The following TMEM240 variants were observed in gnomAD, a reference collection of about 807,000 sequenced individuals.
The protein encoded by TMEM240 is transmembrane protein 240.
TMEM240 carries 3 observed loss-of-function variants against 19.5 expected under a neutral mutation model. That is an observed-to-expected ratio of 0.15 (90% CI 0.07 to 0.40). The LOEUF (loss-of-function observed/expected upper bound fraction) is 0.40, where lower values mean the gene tolerates loss of function less well. TMEM240 is among the 10% of genes least tolerant of loss of function. TMEM240 has a pLI of 1.00. For missense variants in TMEM240, 210 were observed against 253.5 expected (o/e 0.83, Z 1.17); for synonymous variants, 123 against 109.3 (o/e 1.13, Z -0.78).
intron 2 of TMEM240, chr1:1,539,147 C>A: frequency 6.2e-6 from 1 of 160,590 alleles, no homozygotes; most frequent in Non-Finnish European, 1.4e-5. Context: ...GGGGGTCACA[C>A]GGTGGGTGCG....
chr1:1,538,469 AGCCCACGTGC>A (rs1642255386), intron 2 of TMEM240, among the ~76,000 whole-genome samples: 1 of 152,238 alleles, frequency 6.6e-6, no homozygotes, highest in South Asian at 2.1e-4. Context: ...ACACGGCCCC[AGCCCACGTGC>A]GTGGAGGCCG....
chr1:1,536,083 C>T lies in TMEM240; in HGVS notation c.165-286G>A, dbSNP rs1343304735. Among the ~76,000 whole-genome samples the T allele has an allele frequency of 6.6e-6, 1 of 152,122 alleles. No individual in the cohort carries two copies. Among genetic ancestry groups the T allele is most frequent in the Non-Finnish European group, 1.5e-5 (1 of 67,982 alleles). Reference sequence around the variant, plus strand: ...GGCGAGGGTGTCGGCCCTCACTCAGCACCTCCTCCCTGAGGCCTGGAGCTC... The same window carrying T: ...GGCGAGGGTGTCGGCCCTCACTCAGTACCTCCTCCCTGAGGCCTGGAGCTC... On this transcript the variant is annotated intron_variant, in intron 2 of 3. Transcript: ENST00000378733. The surrounding 1 kb of genome is among the most constrained non-coding windows in gnomAD (Gnocchi z 5.4).
intron 2 of TMEM240, among the ~76,000 whole-genome samples, chr1:1,538,081 G>A (rs1642249458): frequency 6.6e-6 from 1 of 152,244 alleles, no homozygotes; most frequent in Non-Finnish European, 1.5e-5. Flanking sequence ...CAAGACTGCT[G>A]TCTGCACACA....
At chr1:1,538,138 A>T (rs1224977133) in intron 2 of TMEM240, among the ~76,000 whole-genome samples, 1 of 152,238 alleles carries the variant, frequency 6.6e-6, no homozygotes, top group Non-Finnish European at 1.5e-5. Context: ...CCCTGAGCAC[A>T]CGGCACTGTA....
chr1:1,539,729 G>C lies in TMEM240; in HGVS notation c.119C>G (p.Pro40Arg). Residue 40 changes from proline (P) to arginine (R), a missense_variant, in exon 2 of 4, where the codon CCG becomes CGG. This residue lies in a region of TMEM240 where 23 missense variants were observed against 57.7 expected (regional missense o/e 0.40). Coordinates refer to ENST00000378733, the MANE Select transcript of TMEM240 (RefSeq NM_001114748.2). ...LLDRFHNYIL[P>R]HLRGEDRVCH... ...GACGCGGTCCTCGCCCCGCAGGTGC[G>C]GGAGGATGTAGTTGTGGAATCGGTC... is the stretch of plus-strand genomic sequence containing the variant. The C allele has an allele frequency of 6.5e-7, 1 of 1,548,186 alleles. No individual in the cohort carries two copies. Among genetic ancestry groups the C allele is most frequent in the Non-Finnish European group, 8.7e-7 (1 of 1,146,558 alleles).
At position 1,534,841 on chromosome 1, in the gene TMEM240, C is replaced by T. The variant is rs949716684; in HGVS notation, c.*518G>A. On this transcript the variant is annotated 3_prime_UTR_variant, in exon 4 of 4. Coordinates refer to ENST00000378733, the MANE Select transcript of TMEM240 (RefSeq NM_001114748.2). ...GGCTTCACATGAGTGCCCGCCACTG[C>T]GGGGCCAGGGGCCTGAATGCTGCCT... 2.6e-5 allele frequency among the ~76,000 whole-genome samples: 4 copies of T among 152,240 alleles called. No individual in the cohort carries two copies. The highest frequency in any genetic ancestry group is 9.6e-5 in the African/African-American group (4 of 41,526).
chr1:1,535,868 C>T lies in TMEM240; in HGVS notation c.165-71G>A. On this transcript the variant is annotated intron_variant, in intron 2 of 3. Coordinates refer to ENST00000378733, the MANE Select transcript of TMEM240 (RefSeq NM_001114748.2). This position sits in a 1 kb window ranked among gnomAD's most constrained non-coding sequence, Gnocchi z 8.2. ...CTGGCCTTCCCCCGGGGCGCCTACC[C>T]CGTGGTGGGGGTGTGACCGCGTCAG... 1 of 1,387,650 alleles carries T rather than the reference C, an allele frequency of 7.2e-7. No individual in the cohort carries two copies. The highest frequency in any genetic ancestry group is 9.9e-7 in the Non-Finnish European group (1 of 1,009,778). 86.0% of individuals were successfully genotyped at this position (1,387,650 alleles called of 1,614,324 possible). A position where few individuals can be genotyped will look rare whatever the true frequency, so the allele number is the denominator to read the frequency against.
At position 1,535,637 on chromosome 1, in the gene TMEM240, C is replaced by T. The variant is rs187039783; in HGVS notation, c.325G>A (p.Gly109Ser). 2,507 of 1,549,852 alleles carry T rather than the reference C, an allele frequency of 1.6e-3. 3 individuals are homozygous for T. Among genetic ancestry groups the T allele is most frequent in the Non-Finnish European group, 2.0e-3 (2,236 of 1,146,590 alleles). ...CISWFLVWMD[G>S]VLHCAVRAWR... ...GCGCGCACGGCGCAGTGCAGGACGC[C>T]GTCCATCCACACCAGGAACCAGCTG... The change falls in exon 3 of 4, where the codon GGC becomes AGC. Residue 109 changes from glycine to serine, a missense_variant. Gly to Ser is a moderately conservative substitution (Grantham distance 56, BLOSUM62 0). Coordinates refer to ENST00000378733, the MANE Select transcript of TMEM240 (RefSeq NM_001114748.2). This position sits in a 1 kb window ranked among gnomAD's most constrained non-coding sequence, Gnocchi z 8.2.
Position 1,539,666 on chromosome 1 carries a change from C to A in TMEM240, c.164+18G>T. 1 of 1,543,400 alleles carries A rather than the reference C, an allele frequency of 6.5e-7. No individual in the cohort carries two copies. The highest frequency in any genetic ancestry group is 2.5e-5 in the East Asian group (1 of 40,782). On this transcript the variant is annotated intron_variant, in intron 2 of 3. Transcript: ENST00000378733. ...TGTGCGCTCACGCGTGTCGAGCCGGCGCCGGTTGTGGACTCACCGGCCACA... is the reference window on the plus strand; with the variant it reads ...TGTGCGCTCACGCGTGTCGAGCCGGAGCCGGTTGTGGACTCACCGGCCACA...
At position 1,535,941 on chromosome 1, in the gene TMEM240, G is replaced by GGGGGC; in HGVS notation, c.165-145_165-144insGCCCC. ...GCAGCCTCTTGGGCGGGCGGGTCGGGAAGGGGGCACCAGACTCAACGAGGC... is the reference window on the plus strand; with the variant it reads ...GCAGCCTCTTGGGCGGGCGGGTCGGGGGGGCAAGGGGGCACCAGACTCAACGAGGC... On this transcript the variant is annotated intron_variant, in intron 2 of 3. Coordinates refer to ENST00000378733, the MANE Select transcript of TMEM240 (RefSeq NM_001114748.2). This position sits in a 1 kb window ranked among gnomAD's most constrained non-coding sequence, Gnocchi z 8.2. 1.0e-5 allele frequency: 4 copies of GGGGGC among 388,938 alleles called. No homozygotes were observed. The highest frequency in any genetic ancestry group is 1.0e-5 in the Non-Finnish European group (2 of 194,544). 24.1% of individuals were successfully genotyped at this position (388,938 alleles called of 1,614,324 possible). A position where few individuals can be genotyped will look rare whatever the true frequency, so the allele number is the denominator to read the frequency against.
At position 1,535,882 on chromosome 1, in the gene TMEM240, T is replaced by G; in HGVS notation, c.165-85A>C. The G allele has an allele frequency of 9.3e-7, 1 of 1,070,390 alleles. No individual in the cohort carries two copies. The allele number at this position is 1,070,390 out of a possible 1,614,324, so 66.3% of individuals were successfully genotyped here. A position where few individuals can be genotyped will look rare whatever the true frequency, so the allele number is the denominator to read the frequency against. ...GGGCGCCTACCCCGTGGTGGGGGTGTGACCGCGTCAGGCCGCCCTGGGGGT... is the reference window on the plus strand; with the variant it reads ...GGGCGCCTACCCCGTGGTGGGGGTGGGACCGCGTCAGGCCGCCCTGGGGGT... On this transcript the variant is annotated intron_variant, in intron 2 of 3. Transcript: ENST00000378733. This position sits in a 1 kb window ranked among gnomAD's most constrained non-coding sequence, Gnocchi z 8.2.
chr1:1,535,431 C>G lies in TMEM240; in HGVS notation c.450G>C (p.Glu150Asp), dbSNP rs770406796. ...LGRRPHRPFE[E>D]AAGNMVHVKQ... ...TCACGTGTACCATGTTCCCGGCGGCCTCCTCGAAGGGCCTGTGCGGCCGCC... is the reference window on the plus strand; with the variant it reads ...TCACGTGTACCATGTTCCCGGCGGCGTCCTCGAAGGGCCTGTGCGGCCGCC... Residue 150 changes from glutamate (E) to aspartate (D), a missense_variant, in exon 4 of 4, where the codon GAG becomes GAC. Glu to Asp is a conservative substitution (Grantham distance 45). Transcript: ENST00000378733. This position sits in a 1 kb window ranked among gnomAD's most constrained non-coding sequence, Gnocchi z 8.2. 1 of 1,549,570 alleles carries G rather than the reference C, an allele frequency of 6.5e-7. No homozygotes were observed. The highest frequency in any genetic ancestry group is 8.7e-7 in the Non-Finnish European group (1 of 1,146,480).
Position 1,535,332 on chromosome 1 carries a change from G to C in TMEM240, c.*27C>G. On this transcript the variant is annotated 3_prime_UTR_variant, in exon 4 of 4. Transcript: ENST00000378733. This position sits in a 1 kb window ranked among gnomAD's most constrained non-coding sequence, Gnocchi z 8.2. Reference sequence around the variant, plus strand: ...CATCTGTACAGCAGCCGGTTGGCTCGGTGGCCCCGGTAAGTCCCCGTGCGG... The same window carrying C: ...CATCTGTACAGCAGCCGGTTGGCTCCGTGGCCCCGGTAAGTCCCCGTGCGG... 1 of 1,546,540 alleles carries C rather than the reference G, an allele frequency of 6.5e-7. No individual in the cohort carries two copies. The highest frequency in any genetic ancestry group is 2.5e-5 in the East Asian group (1 of 40,706).
intron 2 of TMEM240, among the ~76,000 whole-genome samples, chr1:1,537,729 G>A (rs1452235063): frequency 2.0e-5 from 3 of 152,192 alleles, no homozygotes; most frequent in Non-Finnish European, 4.4e-5. Context: ...CCACATGCAC[G>A]GGACATGGCG....
chr1:1,540,383 G>C lies in TMEM240; in HGVS notation c.-37C>G. The C allele has an allele frequency of 9.5e-7, 1 of 1,053,148 alleles. No individual in the cohort carries two copies. The highest frequency in any genetic ancestry group is 1.2e-6 in the Non-Finnish European group (1 of 848,682). The allele number at this position is 1,053,148 out of a possible 1,614,324, so 65.2% of individuals were successfully genotyped here. On this transcript the variant is annotated 5_prime_UTR_variant, in exon 1 of 4. Coordinates refer to ENST00000378733, the MANE Select transcript of TMEM240 (RefSeq NM_001114748.2). ...GGGCCGGGCCGGAGCGCCGCCCCCC[G>C]GCCCCGGCGCCCCCCCGGCCCCGGC...
intron 2 of TMEM240, among the ~76,000 whole-genome samples, chr1:1,537,173 G>C (rs1053206878): frequency 6.6e-6 from 1 of 152,046 alleles, no homozygotes; most frequent in African/African-American, 2.4e-5. Flanking sequence ...CCTGCCCCAC[G>C]CTCCCCTTGA....
Position 1,535,547 on chromosome 1 carries a change from C to CA in TMEM240, c.373+41dup. The CA allele has an allele frequency of 6.5e-7, 1 of 1,540,662 alleles. No individual in the cohort carries two copies. The highest frequency in any genetic ancestry group is 8.8e-7 in the Non-Finnish European group (1 of 1,141,728). On this transcript the variant is annotated intron_variant, in intron 3 of 3. Transcript: ENST00000378733. The surrounding 1 kb of genome is among the most constrained non-coding windows in gnomAD (Gnocchi z 8.2). ...GGGCGGTCAGGCGGCTGGGGCCGGC[C>CA]AGGGCGGCAGCACTCCCGGGCGGCG... is the stretch of plus-strand genomic sequence containing the variant.
At chr1:1,538,392 G>A (rs1000385463) in intron 2 of TMEM240, among the ~76,000 whole-genome samples, 1 of 152,248 alleles carries the variant, frequency 6.6e-6, no homozygotes, top group African/African-American at 2.4e-5. Context: ...TACATGCCCT[G>A]TGCAAATACT....
intron 1 of TMEM240, 43 bp from the exon 2 acceptor site, chr1:1,539,833 A>G: frequency 1.4e-6 from 2 of 1,446,412 alleles, no homozygotes; most frequent in East Asian, 5.3e-5. Context: ...AGCGGGCGGG[A>G]CGAAGCGGGG....
Sources: gnomAD v4.1 joint callset for allele counts (sites outside exome capture counted in the v4.1 genomes callset) on GRCh38, gnomAD v4.1.1 for gene constraint, gnomAD v4.1.1 regional missense constraint, Gnocchi (gnomAD v3.1) non-coding constraint, MANE v1.5 for transcripts, NCBI Gene and HGNC (gene_info 2026-07-23, HGNC 2026-07-21) for gene names.